Variants in PHF21A observed in about 807,000 individuals in gnomAD.
PHF21A encodes PHD finger protein 21A.
A neutral mutation model predicts 82.5 loss-of-function variants in PHF21A; 11 were observed. The ratio of observed to expected loss-of-function variants is 0.13; its 90% CI spans 0.08 to 0.22. The LOEUF is 0.22. PHF21A is among the 10% of genes least tolerant of loss of function. The pLI, the probability that PHF21A is intolerant of heterozygous loss-of-function variation, is 1.00. For missense variants in PHF21A, 579 were observed against 837.8 expected (o/e 0.69, Z 3.81); for synonymous variants, 297 against 302.8 (o/e 0.98, Z 0.20).
At chr11:46,009,065 C>T (rs943639632) in intron 6 of PHF21A, among the ~76,000 whole-genome samples, 8 of 151,586 alleles carry the variant, frequency 5.3e-5, no homozygotes, top group Non-Finnish European at 1.2e-4. Context: ...ACCTCCACCC[C>T]CTGGGTTCAA....
chr11:45,988,112 A>C (rs1434590604), intron 6 of PHF21A, among the ~76,000 whole-genome samples: 1 of 152,238 alleles, frequency 6.6e-6, no homozygotes, highest in Non-Finnish European at 1.5e-5. Flanking sequence ...TGCTCAGACA[A>C]AACAAATTGT....
intron 6 of PHF21A, among the ~76,000 whole-genome samples, chr11:46,028,565 G>T: frequency 7.0e-6 from 1 of 143,568 alleles, no homozygotes; most frequent in African/African-American, 2.6e-5. Flanking sequence ...TACTTTAAAA[G>T]CTTGCCTTTT....
chr11:46,056,261 A>G (rs1235468768), intron 6 of PHF21A, among the ~76,000 whole-genome samples: 2 of 152,140 alleles, frequency 1.3e-5, no homozygotes, highest in Non-Finnish European at 2.9e-5. Context: ...AGAGTCAATA[A>G]TTCCAATCTT....
chr11:46,059,793 C>T (rs1003107018), intron 6 of PHF21A, among the ~76,000 whole-genome samples: 9 of 152,208 alleles, frequency 5.9e-5, no homozygotes, highest in Admixed American at 5.2e-4. Context: ...GTGGCTCAAT[C>T]TCGGCTCACT....
At chr11:46,009,606 T>C (rs1165048711) in intron 6 of PHF21A, among the ~76,000 whole-genome samples, 5 of 152,334 alleles carry the variant, frequency 3.3e-5, no homozygotes, top group African/African-American at 1.2e-4. Context: ...ATATGTACTA[T>C]ATAGTATGCT....
chr11:46,035,988 G>A (rs1296527239), intron 6 of PHF21A, among the ~76,000 whole-genome samples: 1 of 152,134 alleles, frequency 6.6e-6, no homozygotes, highest in South Asian at 2.1e-4. Flanking sequence ...AAAGAGAAGG[G>A]AAGAAGGCTG....
At chr11:45,951,863 G>C (rs933442197) in intron 11 of PHF21A, among the ~76,000 whole-genome samples, 1 of 146,194 alleles carries the variant, frequency 6.8e-6, no homozygotes, top group Non-Finnish European at 1.5e-5. Flanking sequence ...CTGCAATACA[G>C]TGGCACAATC....
chr11:45,952,672 T>G, intron 11 of PHF21A, among the ~76,000 whole-genome samples: 1 of 152,234 alleles, frequency 6.6e-6, no homozygotes, highest in Non-Finnish European at 1.5e-5. Flanking sequence ...GTACTTGTTT[T>G]AGGAAACCTG....
Position 46,041,418 on chromosome 11 carries a change from A to G in PHF21A, c.153+35336T>C, listed in dbSNP as rs1207398496. On this transcript the variant is annotated intron_variant, in intron 6 of 18. Coordinates refer to ENST00000676320, the MANE Select transcript of PHF21A (RefSeq NM_001352027.3). ...AACATTTTTTGTTGCACACTACTAA[A>G]GACAATGAAAACTGATTATTTTTTA... 2.6e-5 allele frequency among the ~76,000 whole-genome samples: 4 copies of G among 152,330 alleles called. No homozygotes were observed. The East Asian group carries it at 7.7e-4, about 29-fold the overall frequency.
intron 6 of PHF21A, among the ~76,000 whole-genome samples, chr11:45,982,388 A>AT (rs200340010): frequency 2.6e-5 from 4 of 151,770 alleles, no homozygotes; most frequent in Non-Finnish European, 4.4e-5. Flanking sequence ...CTGAGTAAAT[A>AT]TTTTTTTTTA....
intron 6 of PHF21A, among the ~76,000 whole-genome samples, chr11:46,052,525 GA>G (rs909390078): frequency 1.7e-3 from 228 of 136,544 alleles, no homozygotes; most frequent in South Asian, 3.6e-3. Context: ...ACTCTGAGAA[GA>G]AAAAAAAAAA....
chr11:46,038,848 A>G (rs1369816090), intron 6 of PHF21A, among the ~76,000 whole-genome samples: 1 of 152,158 alleles, frequency 6.6e-6, no homozygotes, highest in Non-Finnish European at 1.5e-5. Flanking sequence ...TTATGATCCA[A>G]TCACCTCTTA....
chr11:45,989,490 T>TGCAAATAC (rs1481953558), intron 6 of PHF21A, among the ~76,000 whole-genome samples: 1 of 100,934 alleles, frequency 9.9e-6, no homozygotes, highest in Admixed American at 1.2e-4. Flanking sequence ...CCATCTCTAC[T>TGCAAATAC]AAAAAAAAAA....
chr11:46,106,017 T>C (rs1430125599), intron 1 of PHF21A, among the ~76,000 whole-genome samples: 1 of 152,156 alleles, frequency 6.6e-6, no homozygotes, highest in Non-Finnish European at 1.5e-5. Context: ...AGAAAATAAA[T>C]ACAAGGAACA....
intron 6 of PHF21A, among the ~76,000 whole-genome samples, chr11:46,006,096 T>C (rs1282052300): frequency 3.3e-5 from 5 of 152,188 alleles, no homozygotes; most frequent in African/African-American, 4.8e-5. Flanking sequence ...AATTAGGATG[T>C]TCACTGTTAT....
chr11:45,995,993 G>C (rs913455539), intron 6 of PHF21A, among the ~76,000 whole-genome samples: 2 of 151,976 alleles, frequency 1.3e-5, no homozygotes, highest in African/African-American at 4.8e-5. Flanking sequence ...ACCCAGGCTG[G>C]AGTGCAGTGG....
At chr11:46,028,282 G>A (rs2095792447) in intron 6 of PHF21A, among the ~76,000 whole-genome samples, 1 of 152,016 alleles carries the variant, frequency 6.6e-6, no homozygotes, top group Admixed American at 6.6e-5. Context: ...TAAAGTCATG[G>A]TTCTTTTGAA....
Position 46,030,820 on chromosome 11 carries a change from CGTGTGTGTGCGTGTGTGTGTGT to C in PHF21A, c.153+45912_153+45933del, listed in dbSNP as rs976354050. ...CTAAACCACATAGTGTGTGTGTGTGCGTGTGTGTGCGTGTGTGTGTGTGTGTGTGTGTGTGTGTGTGTGTGTG... is the reference window on the plus strand; with the variant it reads ...CTAAACCACATAGTGTGTGTGTGTGCGTGTGTGTGTGTGTGTGTGTGTGTG... On this transcript the variant is annotated intron_variant, in intron 6 of 18. Transcript: ENST00000676320. 4.0e-4 allele frequency among the ~76,000 whole-genome samples: 30 copies of C among 75,382 alleles called. No individual in the cohort carries two copies. The East Asian group carries it at 7.0e-3, about 18-fold the overall frequency. The allele number at this position is 75,382 out of a possible 152,430, so 49.5% of individuals were successfully genotyped here.
chr11:46,055,609 C>A (rs2096441943), intron 6 of PHF21A, among the ~76,000 whole-genome samples: 1 of 152,104 alleles, frequency 6.6e-6, no homozygotes, highest in Non-Finnish European at 1.5e-5. Context: ...ACTAGTAGGT[C>A]ATCTGAACTG....
Sources: gnomAD v4.1 joint callset for allele counts (sites outside exome capture counted in the v4.1 genomes callset) on GRCh38, gnomAD v4.1.1 for gene constraint, MANE v1.5 for transcripts, NCBI Gene and HGNC (gene_info 2026-07-23, HGNC 2026-07-21) for gene names.